Variants in ZDHHC7 observed in about 807,000 individuals in gnomAD.
ZDHHC7 encodes palmitoyltransferase ZDHHC7.
A neutral mutation model predicts 34.1 loss-of-function variants in ZDHHC7; 12 were observed. The ratio of observed to expected loss-of-function variants is 0.35; its 90% CI spans 0.23 to 0.57. The LOEUF is 0.57. ZDHHC7 is among the 20% of genes least tolerant of loss of function. The pLI is 0.84. For synonymous variants in ZDHHC7, 185 were observed against 155.4 expected, an observed-to-expected ratio of 1.19 and a Z score of -1.42; for missense variants, 388 against 402.7, an observed-to-expected ratio of 0.96 and a Z score of 0.31.
intron 1 of ZDHHC7, among the ~76,000 whole-genome samples, chr16:85,007,315 C>T (rs537283920): frequency 4.0e-5 from 6 of 150,346 alleles, no homozygotes; most frequent in Admixed American, 3.3e-4. Flanking sequence ...CCCAGCTACT[C>T]GGGAGGCTGA....
intron 3 of ZDHHC7, among the ~76,000 whole-genome samples, chr16:84,983,074 G>C (rs765323890): frequency 6.6e-6 from 1 of 152,218 alleles, no homozygotes; most frequent in African/African-American, 2.4e-5. Context: ...ACCTGCCTGG[G>C]GGTTCCAATG....
chr16:84,981,369 C>G (rs563462577), intron 4 of ZDHHC7, among the ~76,000 whole-genome samples: 22 of 152,210 alleles, frequency 1.4e-4, no homozygotes, highest in Non-Finnish European at 2.6e-4. Context: ...AAAATGAGAG[C>G]ACATCCAAAA....
chr16:84,988,744 G>A lies in ZDHHC7; in HGVS notation c.315+1560C>T, dbSNP rs2072469795. 3 of 1,549,890 alleles carry A rather than the reference G, an allele frequency of 1.9e-6. 1 individual carries two copies. The highest frequency in any genetic ancestry group is 2.4e-5 in the South Asian group (2 of 83,988). ...CCCAGCCAGGCTGACCCTCCCCCAT[G>A]TGCCTACCCCACACTCACAAGCAGG... On this transcript the variant is annotated intron_variant, in intron 3 of 7. Transcript: ENST00000313732.
intron 1 of ZDHHC7, among the ~76,000 whole-genome samples, chr16:85,000,835 G>GTGAGGATCCAA: frequency 6.6e-6 from 1 of 152,220 alleles, no homozygotes; most frequent in Non-Finnish European, 1.5e-5. Flanking sequence ...CAGCAGCGAG[G>GTGAGGATCCAA]TGAGGATCCA....
chr16:84,999,764 C>T (rs1299926409), intron 1 of ZDHHC7, among the ~76,000 whole-genome samples: 1 of 152,082 alleles, frequency 6.6e-6, no homozygotes, highest in Non-Finnish European at 1.5e-5. Flanking sequence ...ATGCCTGTAT[C>T]TTGAGAGGGA....
At chr16:85,018,462 T>C in the ZDHHC7 span, among the ~76,000 whole-genome samples, 5 of 132,710 alleles carry the variant, frequency 3.8e-5, no homozygotes. Flanking sequence ...TTTTTTTTTT[T>C]TTAAGACAGA....
rs929409385 is a variant in ZDHHC7 at position 84,974,445 on chromosome 16, G to A, written c.*1898C>T. 4.6e-5 allele frequency: 7 copies of A among 152,190 alleles called. No individual in the cohort carries two copies. The highest frequency in any genetic ancestry group is 1.7e-4 in the African/African-American group (7 of 41,450). The allele number at this position is 152,190 out of a possible 1,614,324, so 9.4% of individuals were successfully genotyped here. A position where few individuals can be genotyped will look rare whatever the true frequency, so the allele number is the denominator to read the frequency against. ...AAACACCACCATCCAGGAAGAACGG[G>A]CGCTTTGGAAGCCATTTGAGAACTG... On this transcript the variant is annotated 3_prime_UTR_variant, in exon 8 of 8. Coordinates refer to ENST00000313732, the MANE Select transcript of ZDHHC7 (RefSeq NM_017740.3).
Position 85,011,307 on chromosome 16 carries a change from C to T in ZDHHC7, c.-125G>A, listed in dbSNP as rs2072788609. 6.6e-6 allele frequency: 1 copy of T among 152,182 alleles called. No homozygotes were observed. Among genetic ancestry groups the T allele is most frequent in the Admixed American group, 6.6e-5 (1 of 15,178 alleles). The allele number at this position is 152,182 out of a possible 1,614,324, so 9.4% of individuals were successfully genotyped here. On this transcript the variant is annotated 5_prime_UTR_variant, in exon 1 of 8. Coordinates refer to ENST00000313732, the MANE Select transcript of ZDHHC7 (RefSeq NM_017740.3). ...TCACCCGAGGCCCGGGCGGGGTCGC[C>T]CGGCGCTGCGGCTCCTCCCGGCCTG...
At chr16:84,997,267 CTTTT>C (rs34612029) in intron 1 of ZDHHC7, among the ~76,000 whole-genome samples, 3 of 111,308 alleles carry the variant, frequency 2.7e-5, no homozygotes, top group East Asian at 2.6e-4. Context: ...CTAAATTTTC[CTTTT>C]TTTTTTTTTT....
chr16:84,982,262 T>C (rs955711218), intron 3 of ZDHHC7: 5 of 325,310 alleles, frequency 1.5e-5, no homozygotes, highest in South Asian at 5.9e-5. Context: ...GGAGAATCGC[T>C]TGAACTCAGG....
chr16:85,003,298 C>T (rs182414041), intron 1 of ZDHHC7, among the ~76,000 whole-genome samples: 140 of 152,204 alleles, frequency 9.2e-4, no homozygotes, highest in Admixed American at 4.8e-3. Context: ...TCCTATGGGC[C>T]GTGCAAACGG....
At position 84,974,825 on chromosome 16, in the gene ZDHHC7, G is replaced by C. The variant is rs182981490; in HGVS notation, c.*1518C>G. The stretch of plus-strand genomic sequence containing the variant: ...CCTGCAGGTTTGCTCGCTTGGCTAG[G>C]ACGGTGGCTCAGGTAGGTCCCTTTG... On this transcript the variant is annotated 3_prime_UTR_variant, in exon 8 of 8. Transcript: ENST00000313732. The C allele has an allele frequency of 6.5e-6, 1 of 152,720 alleles. No homozygotes were observed. The highest frequency in any genetic ancestry group is 1.5e-5 in the Non-Finnish European group (1 of 68,108). 9.5% of individuals were successfully genotyped at this position (152,720 alleles called of 1,614,324 possible).
chr16:84,997,047 C>T (rs887374474), intron 1 of ZDHHC7, among the ~76,000 whole-genome samples: 3 of 150,204 alleles, frequency 2.0e-5, no homozygotes, highest in Non-Finnish European at 4.4e-5. Context: ...AAAATTAAAT[C>T]CAAACACGAT....
intron 2 of ZDHHC7, among the ~76,000 whole-genome samples, chr16:84,994,181 C>G (rs1344596779): frequency 6.6e-6 from 1 of 152,252 alleles, no homozygotes. Context: ...TCTCCTCCTG[C>G]CCTGTCCCCC....
the ZDHHC7 span, among the ~76,000 whole-genome samples, chr16:85,016,982 C>G: frequency 8.6e-5 from 13 of 151,252 alleles, no homozygotes; most frequent in African/African-American, 3.2e-4. Context: ...ACCCTTATTG[C>G]CCAGGCTGGA....
At chr16:85,018,124 C>T in the ZDHHC7 span, among the ~76,000 whole-genome samples, 1 of 152,142 alleles carries the variant, frequency 6.6e-6, no homozygotes, top group Non-Finnish European at 1.5e-5. Context: ...TGACCCACAT[C>T]CTGGGTTTCA....
chr16:84,985,989 T>C (rs1419452789), intron 3 of ZDHHC7, among the ~76,000 whole-genome samples: 3 of 142,574 alleles, frequency 2.1e-5, no homozygotes, highest in African/African-American at 5.3e-5. Flanking sequence ...ATTGAGACAA[T>C]TGAGGAAATC....
chr16:84,985,587 G>T (rs956013162), intron 3 of ZDHHC7, among the ~76,000 whole-genome samples: 1 of 152,146 alleles, frequency 6.6e-6, no homozygotes, highest in Non-Finnish European at 1.5e-5. Flanking sequence ...TAAAAGAGAT[G>T]TCAGAGACAC....
At chr16:85,017,494 C>T in the ZDHHC7 span, among the ~76,000 whole-genome samples, 10 of 152,310 alleles carry the variant, frequency 6.6e-5, no homozygotes, top group African/African-American at 2.2e-4. Context: ...CAAGAGACTT[C>T]TACTAGAATG....
Sources: gnomAD v4.1 joint callset for allele counts (sites outside exome capture counted in the v4.1 genomes callset) on GRCh38, gnomAD v4.1.1 for gene constraint, MANE v1.5 for transcripts, NCBI Gene and HGNC (gene_info 2026-07-23, HGNC 2026-07-21) for gene names.